Variants in BRD10 observed in about 807,000 individuals in gnomAD.
BRD10 encodes uncharacterized bromodomain-containing protein 10.
At chr9:5,942,605 G>A in the BRD10 span, among the ~76,000 whole-genome samples, 2 of 152,166 alleles carry the variant, frequency 1.3e-5, no homozygotes, top group Admixed American at 6.5e-5. Context: ...GTCTGTTCAT[G>A]TAAACAATCT....
chr9:5,971,255 T>G, the BRD10 span, among the ~76,000 whole-genome samples: 1 of 152,144 alleles, frequency 6.6e-6, no homozygotes, highest in South Asian at 2.1e-4. Flanking sequence ...AAAAGACAGA[T>G]AGTAGTAACA....
chr9:6,007,943 C>CG, the BRD10 span: 1,951 of 1,328,300 alleles, frequency 1.5e-3, 28 homozygotes, highest in African/African-American at 0.027. Flanking sequence ...TCGGTGCGCG[C>CG]GGGGGTCTTG....
the BRD10 span, among the ~76,000 whole-genome samples, chr9:5,973,532 A>G: frequency 6.6e-6 from 1 of 152,228 alleles, no homozygotes; most frequent in Non-Finnish European, 1.5e-5. Flanking sequence ...AGCTGGGAGA[A>G]AAATGATTAA....
At chr9:5,961,837 T>C in the BRD10 span, among the ~76,000 whole-genome samples, 1 of 152,312 alleles carries the variant, frequency 6.6e-6, no homozygotes, top group South Asian at 2.1e-4. Context: ...TGTGCTAAAA[T>C]TATCAAATCA....
At chr9:5,897,319 G>C in the BRD10 span, among the ~76,000 whole-genome samples, 1 of 152,226 alleles carries the variant, frequency 6.6e-6, no homozygotes, top group African/African-American at 2.4e-5. Flanking sequence ...CCTGGGCCAT[G>C]CCAATTAGCA....
the BRD10 span, chr9:5,968,480 C>A: frequency 6.2e-7 from 1 of 1,611,258 alleles, no homozygotes; most frequent in African/African-American, 1.3e-5. Flanking sequence ...TTCTTTACAA[C>A]AATCAGTTTT....
chr9:5,901,935 T>G, the BRD10 span, among the ~76,000 whole-genome samples: 1 of 152,242 alleles, frequency 6.6e-6, no homozygotes, highest in Non-Finnish European at 1.5e-5. Context: ...TGTTGAGATT[T>G]TTTGCATCTG....
chr9:5,899,600 C>G, the BRD10 span, among the ~76,000 whole-genome samples: 17 of 152,146 alleles, frequency 1.1e-4, no homozygotes, highest in Non-Finnish European at 2.2e-4. Context: ...GATAGAATTC[C>G]TGCTCATACG....
chr9:5,924,694 G>T, the BRD10 span: 1 of 1,550,448 alleles, frequency 6.4e-7, no homozygotes, highest in African/African-American at 1.4e-5. Flanking sequence ...ATATCCAGAG[G>T]TTCTGTTGAG....
the BRD10 span, among the ~76,000 whole-genome samples, chr9:5,981,324 G>A: frequency 1.3e-5 from 2 of 152,180 alleles, no homozygotes; most frequent in Non-Finnish European, 2.9e-5. Context: ...ACCGTTTCCT[G>A]GGTACCAGTT....
At chr9:5,929,286 A>G in the BRD10 span, 1 of 522,350 alleles carries the variant, frequency 1.9e-6, no homozygotes, top group Non-Finnish European at 3.4e-6. Context: ...AGAAGCTTGC[A>G]GAAAGGGGGA....
chr9:5,886,254 G>C, the BRD10 span, among the ~76,000 whole-genome samples: 1 of 152,226 alleles, frequency 6.6e-6, no homozygotes, highest in South Asian at 2.1e-4. Context: ...CCTTCATGAG[G>C]TGGGCCTGTG....
the BRD10 span, among the ~76,000 whole-genome samples, chr9:5,882,820 T>C: frequency 6.6e-6 from 1 of 152,138 alleles, no homozygotes; most frequent in Non-Finnish European, 1.5e-5. Flanking sequence ...CATGGAATAC[T>C]ATGCAGCCAT....
the BRD10 span, chr9:5,968,511 G>T: frequency 6.2e-7 from 1 of 1,612,552 alleles, no homozygotes; most frequent in Non-Finnish European, 8.5e-7. Context: ...CAAGGCCTGC[G>T]AATTCTAATT....
At chr9:5,913,167 AATTTAGACTG>A in the BRD10 span, among the ~76,000 whole-genome samples, 1 of 152,314 alleles carries the variant, frequency 6.6e-6, no homozygotes, top group Non-Finnish European at 1.5e-5. Context: ...AGTCAGTGAA[AATTTAGACTG>A]ATTATACAAA....
At chr9:5,881,938 CA>C in the BRD10 span, among the ~76,000 whole-genome samples, 1 of 152,182 alleles carries the variant, frequency 6.6e-6, no homozygotes, top group Non-Finnish European at 1.5e-5. Flanking sequence ...TCCCCACTCT[CA>C]CAGAGCCCAG....
the BRD10 span, among the ~76,000 whole-genome samples, chr9:6,005,290 C>G: frequency 3.5e-4 from 53 of 151,904 alleles, no homozygotes; most frequent in Non-Finnish European, 1.3e-4. Context: ...GCGGGCGGAT[C>G]ACCTGAGGTC....
At chr9:5,920,517 C>G in the BRD10 span, 1 of 1,613,918 alleles carries the variant, frequency 6.2e-7, no homozygotes, top group East Asian at 2.2e-5. Flanking sequence ...GGCAGAGAAG[C>G]AAAATTGGAC....
chr9:5,978,245 C>G, the BRD10 span, among the ~76,000 whole-genome samples: 1 of 151,996 alleles, frequency 6.6e-6, no homozygotes, highest in African/African-American at 2.4e-5. Flanking sequence ...TTGGCAAAAA[C>G]ACTAGATTTC....
Sources: allele counts gnomAD v4.1 joint callset (sites outside exome capture counted in the v4.1 genomes callset), GRCh38; gene constraint gnomAD v4.1.1; transcripts MANE v1.5; gene names NCBI Gene and HGNC (gene_info 2026-07-23, HGNC 2026-07-21).